Variants in EYS observed in about 807,000 individuals in gnomAD.
EYS encodes protein eyes shut homolog.
Under a neutral mutation model 282.1 loss-of-function variants are expected in EYS, and 250 were observed. That is an observed-to-expected ratio of 0.89 (90% CI 0.80 to 0.98). The LOEUF is 0.98. EYS is among the 50% of genes least tolerant of loss of function. EYS has a pLI of 0.00. For missense variants in EYS, 4,016 were observed against 3,709.0 expected (o/e 1.08, Z -2.15); for synonymous variants, 1,355 against 1,282.9 (o/e 1.06, Z -1.20).
At position 64,732,508 on chromosome 6, in the gene EYS, TAAAA is replaced by T. The variant is rs976583817; in HGVS notation, c.3443+80866_3443+80869del. On this transcript the variant is annotated intron_variant, in intron 22 of 42. Transcript: ENST00000503581. Reference sequence around the variant, plus strand: ...GAAATTTAAAAAAAAGTAAAAGAGATAAAAAACAACATTCATATGAATTATACTA... The same window carrying T: ...GAAATTTAAAAAAAAGTAAAAGAGATAACAACATTCATATGAATTATACTA... Among the ~76,000 whole-genome samples, 6 of 152,294 alleles carry T rather than the reference TAAAA, an allele frequency of 3.9e-5. No homozygotes were observed. In the South Asian group the frequency reaches 1.2e-3, roughly 32 times the overall value.
intron 12 of EYS, among the ~76,000 whole-genome samples, chr6:65,115,190 G>T (rs558428564): frequency 6.6e-6 from 1 of 152,042 alleles, no homozygotes; most frequent in South Asian, 2.1e-4. Context: ...AAATGTGGCT[G>T]AAAAGCTCTT....
At chr6:64,164,269 C>T (rs1193852264) in intron 31 of EYS, among the ~76,000 whole-genome samples, 1 of 152,054 alleles carries the variant, frequency 6.6e-6, no homozygotes, top group African/African-American at 2.4e-5. Context: ...AAAACGGAGA[C>T]TATATTGATA....
intron 33 of EYS, among the ~76,000 whole-genome samples, chr6:64,053,429 A>C (rs1402811163): frequency 1.3e-5 from 2 of 152,130 alleles, no homozygotes; most frequent in Non-Finnish European, 2.9e-5. Context: ...ATTATAAGAG[A>C]TTTTAACTTC....
intron 30 of EYS, among the ~76,000 whole-genome samples, chr6:64,239,422 C>A (rs1489454348): frequency 6.6e-6 from 1 of 152,102 alleles, no homozygotes; most frequent in African/African-American, 2.4e-5. Context: ...TCTGTTGTTT[C>A]CTGACTTTTT....
At position 63,978,528 on chromosome 6, in the gene EYS, C is replaced by T. The variant is rs866750667; in HGVS notation, c.7055+5855G>A. Among the ~76,000 whole-genome samples the T allele has an allele frequency of 1.8e-4, 27 of 152,034 alleles. No homozygotes were observed. In the South Asian group the frequency reaches 5.0e-3, roughly 28 times the overall value. On this transcript the variant is annotated intron_variant, in intron 35 of 42. Coordinates refer to ENST00000503581, the MANE Select transcript of EYS (RefSeq NM_001142800.2). The stretch of plus-strand genomic sequence containing the variant: ...GTAAGAAATTGATCTGAAATAGGCT[C>T]TTTTTTCCTGTGGTATTTAGAAGAA...
chr6:64,577,051 G>A (rs1176726685), intron 26 of EYS, among the ~76,000 whole-genome samples: 1 of 152,074 alleles, frequency 6.6e-6, no homozygotes, highest in African/African-American at 2.4e-5. Context: ...GCAGCTACAA[G>A]TCAAGAAACA....
intron 42 of EYS, among the ~76,000 whole-genome samples, chr6:63,725,285 A>T (rs1376077794): frequency 6.6e-6 from 1 of 152,060 alleles, no homozygotes; most frequent in Non-Finnish European, 1.5e-5. Flanking sequence ...TTGCCCTCCT[A>T]TGTGTATTAG....
chr6:64,147,439 T>A (rs1365125083), intron 31 of EYS, among the ~76,000 whole-genome samples: 1 of 152,168 alleles, frequency 6.6e-6, no homozygotes, highest in Non-Finnish European at 1.5e-5. Context: ...GTTTATATAT[T>A]TGGCTTCAGC....
At chr6:64,669,688 GT>G (rs1306212994) in intron 22 of EYS, among the ~76,000 whole-genome samples, 1 of 152,040 alleles carries the variant, frequency 6.6e-6, no homozygotes, top group Non-Finnish European at 1.5e-5. Flanking sequence ...AAAGCTATGT[GT>G]TTTTTATTTG....
intron 26 of EYS, among the ~76,000 whole-genome samples, chr6:64,526,769 A>C (rs1183673840): frequency 6.6e-6 from 1 of 151,822 alleles, no homozygotes; most frequent in Non-Finnish European, 1.5e-5. Flanking sequence ...CAATTGAAGG[A>C]ATTAAATGAC....
At chr6:64,477,550 C>CGA (rs1776311393) in intron 26 of EYS, among the ~76,000 whole-genome samples, 1 of 152,030 alleles carries the variant, frequency 6.6e-6, no homozygotes, top group Non-Finnish European at 1.5e-5. Flanking sequence ...TCCACATGGC[C>CGA]CGTTGCTGAT....
At chr6:64,531,722 C>T (rs1005016913) in intron 26 of EYS, among the ~76,000 whole-genome samples, 1 of 151,934 alleles carries the variant, frequency 6.6e-6, no homozygotes, top group Non-Finnish European at 1.5e-5. Context: ...TGAGCCACCA[C>T]GTCTGGCCAA....
intron 34 of EYS, among the ~76,000 whole-genome samples, chr6:63,986,304 A>G (rs935817370): frequency 4.6e-5 from 7 of 151,870 alleles, no homozygotes. Context: ...AGAAAAAGGA[A>G]CACTTATACA....
chr6:64,617,292 G>A, intron 24 of EYS, 126 bp downstream of exon 24: 1 of 675,774 alleles, frequency 1.5e-6, no homozygotes, highest in Non-Finnish European at 2.6e-6. Flanking sequence ...AGCGTGCACA[G>A]AGAAGGAGAG....
chr6:65,271,303 T>C (rs1414452177), intron 12 of EYS, among the ~76,000 whole-genome samples: 2 of 151,412 alleles, frequency 1.3e-5, no homozygotes, highest in Non-Finnish European at 2.9e-5. Context: ...AGTCTGGGTA[T>C]GAAGGCATGA....
chr6:63,872,895 C>T (rs1329026113), intron 35 of EYS, among the ~76,000 whole-genome samples: 1 of 151,918 alleles, frequency 6.6e-6, no homozygotes, highest in Non-Finnish European at 1.5e-5. Context: ...TTGACCAAAC[C>T]CTGAGTTATA....
chr6:64,809,485 A>T (rs904787827), intron 22 of EYS, among the ~76,000 whole-genome samples: 7 of 152,094 alleles, frequency 4.6e-5, no homozygotes. Context: ...GAACAAAAAT[A>T]TAAAAACTGA....
At chr6:65,543,927 C>T (rs1252584662) in intron 2 of EYS, among the ~76,000 whole-genome samples, 2 of 151,814 alleles carry the variant, frequency 1.3e-5, no homozygotes, top group Non-Finnish European at 2.9e-5. Context: ...GATGGCCTTG[C>T]TTTTGAGTTG....
rs1269149748 is a variant in EYS, at chr6:65,494,693, A to G, written c.718T>C (p.Tyr240His). The change falls in exon 4 of 43, where the codon TAT becomes CAT. Residue 240 changes from tyrosine to histidine, a missense_variant. Tyr to His is a moderately conservative substitution (Grantham distance 83, BLOSUM62 2). Coordinates refer to ENST00000503581, the MANE Select transcript of EYS (RefSeq NM_001142800.2). ...NKRENWDEQA[Y>H]ECVCHPPFTG... ...AATGGTGGGTGACAGACACATTCAT[A>G]TGCTTGCTCATCCCAATTTTCTCTT... is the stretch of plus-strand genomic sequence containing the variant. The G allele has an allele frequency of 1.3e-6, 2 of 1,585,256 alleles. No homozygotes were observed. Among genetic ancestry groups the G allele is most frequent in the African/African-American group, 1.4e-5 (1 of 73,998 alleles).
Sources: allele counts gnomAD v4.1 joint callset (sites outside exome capture counted in the v4.1 genomes callset), GRCh38; gene constraint gnomAD v4.1.1; transcripts MANE v1.5; gene names NCBI Gene and HGNC (gene_info 2026-07-23, HGNC 2026-07-21).